The following NME9 variants were observed in gnomAD, a reference collection of about 807,000 sequenced individuals.
NME9 encodes NME/NM23 family member 9, also known as thioredoxin domain-containing protein 6.
NME9 carries 48 observed loss-of-function variants against 44.4 expected under a neutral mutation model. The ratio of observed to expected loss-of-function variants is 1.08; its 90% CI spans 0.86 to 1.37. The LOEUF is 1.37. NME9 is among the 40% of genes most tolerant of loss of function. NME9 has a pLI of 0.00. For synonymous variants in NME9, 139 were observed against 147.1 expected (o/e 0.94, Z 0.40); for missense variants, 325 against 405.2 (o/e 0.80, Z 1.70).
At chr3:138,298,798 C>A (rs555767445), downstream of NME9, among the ~76,000 whole-genome samples, 8 of 152,232 alleles carry the variant, frequency 5.3e-5, no homozygotes, top group African/African-American at 1.7e-4. Flanking sequence ...CGCACTGCCA[C>A]CTTTTCCCAT....
chr3:138,289,840 C>T (rs1434858740), intron 8 of NME9, among the ~76,000 whole-genome samples: 1 of 152,118 alleles, frequency 6.6e-6, no homozygotes, highest in East Asian at 1.9e-4. Context: ...CCTAGAAATT[C>T]TGATTCACTG....
At chr3:138,291,792 A>G (rs1317260655) in intron 8 of NME9, among the ~76,000 whole-genome samples, 1 of 152,204 alleles carries the variant, frequency 6.6e-6, no homozygotes, top group Admixed American at 6.5e-5. Flanking sequence ...AGTGGGTTCA[A>G]AGGCCCTGAA....
At chr3:138,276,658 C>T (rs1560033754) in intron 8 of NME9, among the ~76,000 whole-genome samples, 1 of 152,138 alleles carries the variant, frequency 6.6e-6, no homozygotes, top group Admixed American at 6.5e-5. Flanking sequence ...AGATATTAAA[C>T]AGTACCATTT....
At chr3:138,320,326 A>C (rs1220007340) in intron 2 of NME9, among the ~76,000 whole-genome samples, 1 of 152,186 alleles carries the variant, frequency 6.6e-6, no homozygotes, top group Non-Finnish European at 1.5e-5. Context: ...CTAGATGGTG[A>C]CATACCAGTG....
intron 8 of NME9, chr3:138,272,911 A>G (rs1033482435): frequency 1.5e-6 from 2 of 1,322,872 alleles, no homozygotes; most frequent in African/African-American, 1.5e-5. Flanking sequence ...CTATTAAAAT[A>G]TAATTTAATA....
chr3:138,316,907 A>G (rs963322247), intron 4 of NME9, among the ~76,000 whole-genome samples: 2 of 152,114 alleles, frequency 1.3e-5, no homozygotes, highest in Non-Finnish European at 2.9e-5. Flanking sequence ...GAGCCACTGC[A>G]CCCGGCCAAA....
At chr3:138,304,066 C>A (rs1233855299) in intron 9 of NME9, among the ~76,000 whole-genome samples, 2 of 152,190 alleles carry the variant, frequency 1.3e-5, no homozygotes, top group Non-Finnish European at 2.9e-5. Flanking sequence ...CTATGATTTC[C>A]TGTGTGTCAA....
At chr3:138,311,111 A>G (rs1249027152) in intron 6 of NME9, among the ~76,000 whole-genome samples, 1 of 152,218 alleles carries the variant, frequency 6.6e-6, no homozygotes, top group Non-Finnish European at 1.5e-5. Context: ...ACTGTTATGA[A>G]CAACTATACA....
intron 6 of NME9, among the ~76,000 whole-genome samples, chr3:138,309,708 T>C (rs559368506): frequency 6.6e-6 from 1 of 151,232 alleles, no homozygotes; most frequent in East Asian, 2.0e-4. Context: ...CACTCCAGCC[T>C]GGGTGACAGA....
chr3:138,275,245 G>A (rs2049165612), intron 8 of NME9, among the ~76,000 whole-genome samples: 1 of 152,136 alleles, frequency 6.6e-6, no homozygotes, highest in Non-Finnish European at 1.5e-5. Context: ...TTGGCTACAT[G>A]GTTATGTTCT....
intron 9 of NME9, 91 bp downstream of exon 9, chr3:138,304,782 C>T (rs1283592174): frequency 4.8e-6 from 6 of 1,258,510 alleles, no homozygotes; most frequent in African/African-American, 3.0e-5. Context: ...CTCTGTGTTA[C>T]CCATGATTCT....
At chr3:138,314,215 T>TA (rs1450784840) in intron 6 of NME9, 117 bp downstream of exon 6, 9 of 573,588 alleles carry the variant, frequency 1.6e-5, no homozygotes, top group Non-Finnish European at 2.8e-5. Flanking sequence ...TATGAACCAT[T>TA]AAAAAATCTT....
downstream of NME9, among the ~76,000 whole-genome samples, chr3:138,300,470 TCTC>T (rs1489042287): frequency 1.6e-4 from 25 of 152,238 alleles, no homozygotes; most frequent in South Asian, 6.2e-4. Flanking sequence ...AAAATGGCCT[TCTC>T]CTCAGATAGG....
At chr3:138,329,272 G>C (rs1420632432) in intron 1 of NME9, 31 bp downstream of exon 1, 1 of 1,530,340 alleles carries the variant, frequency 6.5e-7, no homozygotes, top group Admixed American at 2.0e-5. Context: ...GCCCAACCCA[G>C]AGCTGGAAGC....
chr3:138,315,217 C>T (rs1054209488), intron 5 of NME9, among the ~76,000 whole-genome samples: 2 of 152,202 alleles, frequency 1.3e-5, no homozygotes, highest in Non-Finnish European at 2.9e-5. Context: ...TAGCTGACTT[C>T]TCCTACCCAC....
intron 8 of NME9, among the ~76,000 whole-genome samples, chr3:138,281,520 T>A (rs571174626): frequency 6.6e-6 from 1 of 152,252 alleles, no homozygotes; most frequent in Admixed American, 6.5e-5. Flanking sequence ...CTCAATCTCT[T>A]GACCTCGTAA....
chr3:138,268,401 G>A (rs966428975), intron 8 of NME9, among the ~76,000 whole-genome samples: 2 of 152,096 alleles, frequency 1.3e-5, no homozygotes, highest in Non-Finnish European at 2.9e-5. Context: ...CCCTGTAGAC[G>A]GGGTCTTGGC....
intron 4 of NME9, among the ~76,000 whole-genome samples, 176 bp from the exon 5 acceptor site, chr3:138,315,819 G>C (rs2053037632): frequency 6.6e-6 from 1 of 151,738 alleles, no homozygotes; most frequent in East Asian, 1.9e-4. Context: ...CTGCTCCTAG[G>C]TTTTTTGTTT....
rs148679338 is a variant in NME9 at position 138,323,401 on chromosome 3, G to A, written c.91+1472C>T. Among the ~76,000 whole-genome samples, 1,304 of 152,142 alleles carry A rather than the reference G, an allele frequency of 8.6e-3. 22 individuals are homozygous for A. The highest frequency in any genetic ancestry group is 0.03 in the African/African-American group (1,262 of 41,510). ...ACTGCACTCCAGCCTGGGTGACTCC[G>A]TCTCAAAAAAAAGAAGAAGAAGAAA... On this transcript the variant is annotated intron_variant, in intron 2 of 10. Transcript: ENST00000333911.
Sources: gnomAD v4.1 joint callset for allele counts (sites outside exome capture counted in the v4.1 genomes callset) on GRCh38, gnomAD v4.1.1 for gene constraint, MANE v1.5 for transcripts, NCBI Gene and HGNC (gene_info 2026-07-23, HGNC 2026-07-21) for gene names.